Variants in PIKFYVE observed in about 807,000 individuals in gnomAD.
The protein encoded by PIKFYVE is phosphoinositide kinase, FYVE-type zinc finger containing.
In PIKFYVE, 122 loss-of-function variants were observed where a neutral mutation model predicts 257.9. That is an observed-to-expected ratio of 0.47 (90% CI 0.41 to 0.55). The LOEUF is 0.55. Among genes scored for constraint, PIKFYVE ranks in the 20% least tolerant of loss-of-function variants. The pLI, the probability that PIKFYVE is intolerant of heterozygous loss-of-function variation, is 0.00. For synonymous variants in PIKFYVE, 892 were observed against 868.9 expected (o/e 1.03, Z -0.47); for missense variants, 2,160 against 2,536.6 (o/e 0.85, Z 3.19).
chr2:208,354,171 A>G lies in PIKFYVE; in HGVS notation c.6106+12A>G, dbSNP rs574218429. 2.3e-5 allele frequency: 37 copies of G among 1,611,216 alleles called. No individual in the cohort carries two copies. In the African/African-American group the frequency reaches 4.5e-4, roughly 20 times the overall value. On this transcript the variant is annotated intron_variant, in intron 40 of 41. Transcript: ENST00000264380. ...AGTTGGAATTATAGGTAAGTCAATG[A>G]GTACCCTGCTTATATTTCATGATTG...
rs558772389 is a variant in PIKFYVE at position 208,354,165 on chromosome 2, T to A, written c.6106+6T>A. Reference sequence around the variant, plus strand: ...GCTAGTAGTTGGAATTATAGGTAAGTCAATGAGTACCCTGCTTATATTTCA... The same window carrying A: ...GCTAGTAGTTGGAATTATAGGTAAGACAATGAGTACCCTGCTTATATTTCA... On this transcript the variant is annotated splice_donor_region_variant and intron_variant, in intron 40 of 41. Coordinates refer to ENST00000264380, the MANE Select transcript of PIKFYVE (RefSeq NM_015040.4). The A allele has an allele frequency of 6.8e-6, 11 of 1,611,936 alleles. No individual in the cohort carries two copies. Among genetic ancestry groups the A allele is most frequent in the Non-Finnish European group, 8.5e-6 (10 of 1,179,630 alleles).
intron 35 of PIKFYVE, among the ~76,000 whole-genome samples, chr2:208,349,318 TAG>T (rs1699540862): frequency 6.6e-6 from 1 of 152,122 alleles, no homozygotes; most frequent in African/African-American, 2.4e-5. Flanking sequence ...ATGTGAAACT[TAG>T]GGGACTATTT....
intron 34 of PIKFYVE, among the ~76,000 whole-genome samples, chr2:208,346,721 C>G (rs1377904441): frequency 6.6e-6 from 1 of 152,214 alleles, no homozygotes; most frequent in Non-Finnish European, 1.5e-5. Flanking sequence ...AGGATTTAAA[C>G]AAATGACAGC....
At chr2:208,277,263 T>C (rs1690232248) in intron 4 of PIKFYVE, among the ~76,000 whole-genome samples, 1 of 152,190 alleles carries the variant, frequency 6.6e-6, no homozygotes, top group Non-Finnish European at 1.5e-5. Flanking sequence ...GGGCTCTCTT[T>C]TTCTGTTCCA....
chr2:208,283,729 G>A (rs1691150422), intron 5 of PIKFYVE, among the ~76,000 whole-genome samples: 1 of 152,036 alleles, frequency 6.6e-6, no homozygotes, highest in African/African-American at 2.4e-5. Context: ...ACTACAGGGT[G>A]CATGCCACCA....
Position 208,356,121 on chromosome 2 carries a change from T to A in PIKFYVE, c.*816T>A, listed in dbSNP as rs1700149591. On this transcript the variant is annotated 3_prime_UTR_variant, in exon 42 of 42. Transcript: ENST00000264380. ...ATAGTAAATCATTAGTAAATGAGTCTGTAGTTACTAAACCCTAATGGAATA... is the reference window on the plus strand; with the variant it reads ...ATAGTAAATCATTAGTAAATGAGTCAGTAGTTACTAAACCCTAATGGAATA... 1 of 152,248 alleles carries A rather than the reference T, an allele frequency of 6.6e-6. No individual in the cohort carries two copies. The highest frequency in any genetic ancestry group is 2.4e-5 in the African/African-American group (1 of 41,468). 9.4% of individuals were successfully genotyped at this position (152,248 alleles called of 1,614,324 possible).
intron 1 of PIKFYVE, among the ~76,000 whole-genome samples, chr2:208,270,732 T>A (rs561698335): frequency 7.9e-5 from 12 of 152,208 alleles, no homozygotes; most frequent in Non-Finnish European, 4.4e-5. Context: ...TTATATTACT[T>A]TTTAAAATAT....
chr2:208,283,713 G>A (rs1691148412), intron 5 of PIKFYVE, among the ~76,000 whole-genome samples: 1 of 152,042 alleles, frequency 6.6e-6, no homozygotes, highest in Admixed American at 6.5e-5. Flanking sequence ...CTCCCAAGTA[G>A]CTTGGACTAC....
chr2:208,336,649 A>G (rs1479796898), intron 27 of PIKFYVE, among the ~76,000 whole-genome samples, 189 bp from the exon 28 acceptor site: 1 of 151,862 alleles, frequency 6.6e-6, no homozygotes, highest in Non-Finnish European at 1.5e-5. Flanking sequence ...CTATAGTGAG[A>G]TCAACAAATG....
chr2:208,349,627 G>C (rs1338941136), intron 35 of PIKFYVE, among the ~76,000 whole-genome samples: 2 of 151,104 alleles, frequency 1.3e-5, no homozygotes, highest in African/African-American at 4.9e-5. Flanking sequence ...ATTTTATATA[G>C]CTTAGTACAT....
chr2:208,338,612 A>G (rs1383524037), intron 29 of PIKFYVE, 44 bp downstream of exon 29: 1 of 1,569,278 alleles, frequency 6.4e-7, no homozygotes, highest in South Asian at 1.1e-5. Flanking sequence ...GGATTTAAAG[A>G]AATTTCTTAT....
intron 1 of PIKFYVE, among the ~76,000 whole-genome samples, chr2:208,268,555 C>T (rs1386282327): frequency 6.8e-6 from 1 of 146,494 alleles, no homozygotes; most frequent in Admixed American, 7.0e-5. Context: ...GGATTACAGA[C>T]ATGAGGCCAC....
At chr2:208,277,804 T>A (rs1194768444) in intron 5 of PIKFYVE, 96 bp downstream of exon 5, 12 of 1,383,672 alleles carry the variant, frequency 8.7e-6, no homozygotes, top group Non-Finnish European at 1.0e-5. Flanking sequence ...TCATTTTGGG[T>A]TTTATGTGTA....
intron 7 of PIKFYVE, among the ~76,000 whole-genome samples, 191 bp downstream of exon 7, chr2:208,289,009 C>G (rs901753911): frequency 4.6e-5 from 7 of 152,156 alleles, no homozygotes; most frequent in Non-Finnish European, 8.8e-5. Context: ...TTCCAGTATT[C>G]TCCAGTGGCT....
intron 16 of PIKFYVE, among the ~76,000 whole-genome samples, chr2:208,319,245 A>G (rs1197434518): frequency 6.6e-6 from 1 of 152,210 alleles, no homozygotes; most frequent in Non-Finnish European, 1.5e-5. Context: ...CTAAGGCATT[A>G]AGATTCCTGA....
chr2:208,296,645 A>G (rs1693025063), intron 7 of PIKFYVE, among the ~76,000 whole-genome samples: 1 of 152,122 alleles, frequency 6.6e-6, no homozygotes, highest in Non-Finnish European at 1.5e-5. Flanking sequence ...GTGAAAAGGG[A>G]GGAAATAAGG....
At chr2:208,320,493 C>T (rs879364071) in intron 17 of PIKFYVE, 134 bp downstream of exon 17, 10 of 987,100 alleles carry the variant, frequency 1.0e-5, no homozygotes, top group Non-Finnish European at 1.5e-5. Flanking sequence ...ACCAAAACCT[C>T]TGTCACTCAT....
At chr2:208,270,136 G>T (rs1689224627) in intron 1 of PIKFYVE, among the ~76,000 whole-genome samples, 3 of 150,814 alleles carry the variant, frequency 2.0e-5, no homozygotes, top group Non-Finnish European at 4.4e-5. Flanking sequence ...CCGCCTCCTG[G>T]GTTCCAGCGA....
intron 38 of PIKFYVE, 43 bp from the exon 39 acceptor site, chr2:208,352,611 A>G: frequency 6.2e-7 from 1 of 1,602,922 alleles, no homozygotes; most frequent in Non-Finnish European, 8.5e-7. Flanking sequence ...AATTATAAAT[A>G]ACCCTTTTTG....
Sources: allele counts gnomAD v4.1 joint callset (sites outside exome capture counted in the v4.1 genomes callset), GRCh38; gene constraint gnomAD v4.1.1; transcripts MANE v1.5; gene names NCBI Gene and HGNC (gene_info 2026-07-23, HGNC 2026-07-21).